Variants in PPHLN1 observed in about 807,000 individuals in gnomAD.
The protein encoded by PPHLN1 is periphilin-1.
PPHLN1 carries 29 observed loss-of-function variants against 51.3 expected under a neutral mutation model. The ratio of observed to expected loss-of-function variants is 0.57; its 90% CI spans 0.42 to 0.77. PPHLN1 has a LOEUF of 0.77. PPHLN1 is among the 30% of genes least tolerant of loss of function. PPHLN1 has a pLI of 0.00. For synonymous variants in PPHLN1, 147 were observed against 147.8 expected, an observed-to-expected ratio of 0.99 and a Z score of 0.04; for missense variants, 436 against 438.4, an observed-to-expected ratio of 0.99 and a Z score of 0.05.
At chr12:42,383,121 C>G (rs1406000694) in intron 5 of PPHLN1, among the ~76,000 whole-genome samples, 2 of 152,206 alleles carry the variant, frequency 1.3e-5, no homozygotes, top group Non-Finnish European at 2.9e-5. Context: ...TAATGGGAAT[C>G]TGTAATTATA....
At chr12:42,366,804 C>G (rs2075318936) in intron 4 of PPHLN1, among the ~76,000 whole-genome samples, 2 of 152,076 alleles carry the variant, frequency 1.3e-5, no homozygotes, top group African/African-American at 4.8e-5. Flanking sequence ...TTGGGTTTGG[C>G]TAGAAATCAC....
intron 3 of PPHLN1, among the ~76,000 whole-genome samples, chr12:42,353,919 C>T (rs551079205): frequency 1.3e-5 from 2 of 152,126 alleles, no homozygotes; most frequent in East Asian, 3.9e-4. Context: ...GTGTGTATAA[C>T]ATTTTTTCTT....
chr12:42,340,270 AC>A (rs1261878256), intron 2 of PPHLN1, among the ~76,000 whole-genome samples: 1 of 150,844 alleles, frequency 6.6e-6, no homozygotes, highest in East Asian at 1.9e-4. Context: ...GTTTTGTGCC[AC>A]TGCGTTGAAG....
chr12:42,378,735 C>A (rs1393188509), intron 5 of PPHLN1, among the ~76,000 whole-genome samples: 2 of 152,230 alleles, frequency 1.3e-5, no homozygotes, highest in African/African-American at 4.8e-5. Flanking sequence ...CACATACATA[C>A]ACACACATTT....
chr12:42,330,690 G>A (rs1171897550), intron 1 of PPHLN1, among the ~76,000 whole-genome samples: 1 of 152,130 alleles, frequency 6.6e-6, no homozygotes, highest in Non-Finnish European at 1.5e-5. Context: ...CAATTGTTCA[G>A]GGTACAGATC....
chr12:42,382,733 G>C (rs1043023219), intron 5 of PPHLN1, among the ~76,000 whole-genome samples: 3 of 152,138 alleles, frequency 2.0e-5, no homozygotes. Flanking sequence ...AACGAAAGAG[G>C]AAGGGGTAGC....
chr12:42,335,779 A>T, intron 1 of PPHLN1, 104 bp from the exon 2 acceptor site: 1 of 501,692 alleles, frequency 2.0e-6, no homozygotes, highest in Non-Finnish European at 3.2e-6. Context: ...TTTTCTCTTA[A>T]GATCTCTGGA....
intron 5 of PPHLN1, chr12:42,375,313 A>T: frequency 2.3e-5 from 5 of 214,110 alleles, no homozygotes; most frequent in Middle Eastern, 1.7e-3. Context: ...AGCATGTAAA[A>T]GGTTTTTTTT....
intron 9 of PPHLN1, among the ~76,000 whole-genome samples, chr12:42,406,176 C>G (rs949328958): frequency 6.6e-6 from 1 of 151,714 alleles, no homozygotes; most frequent in Non-Finnish European, 1.5e-5. Flanking sequence ...CTCCACCTTC[C>G]GGGTTCATGC....
intron 9 of PPHLN1, among the ~76,000 whole-genome samples, chr12:42,439,811 C>CACCT (rs1555224678): frequency 6.6e-6 from 1 of 152,200 alleles, no homozygotes; most frequent in Non-Finnish European, 1.5e-5. Flanking sequence ...AGGCGTGAGC[C>CACCT]ACCTTTACAG....
chr12:42,328,406 C>T (rs1013530177), intron 1 of PPHLN1, among the ~76,000 whole-genome samples: 2 of 152,164 alleles, frequency 1.3e-5, no homozygotes, highest in Non-Finnish European at 2.9e-5. Flanking sequence ...TATGAATATG[C>T]GTTAACAGTT....
chr12:42,341,682 G>A (rs1262855187), intron 2 of PPHLN1, among the ~76,000 whole-genome samples: 1 of 151,914 alleles, frequency 6.6e-6, no homozygotes, highest in Non-Finnish European at 1.5e-5. Flanking sequence ...GAGTGCAGCG[G>A]GCGATCTCGG....
chr12:42,445,650 G>A (rs74078990), downstream of PPHLN1: 1,805 of 229,314 alleles, frequency 7.9e-3, 32 homozygotes, highest in African/African-American at 0.037. Context: ...CACTTGGAGC[G>A]TCCAACATTC....
downstream of PPHLN1, chr12:42,443,691 A>G (rs2083133035): frequency 6.6e-6 from 1 of 152,208 alleles, no homozygotes; most frequent in Admixed American, 6.5e-5. Context: ...GTCATTCCCA[A>G]AAGGTCTGGC....
At chr12:42,404,752 G>A (rs1219396647) in intron 9 of PPHLN1, among the ~76,000 whole-genome samples, 3 of 152,040 alleles carry the variant, frequency 2.0e-5, no homozygotes, top group African/African-American at 7.2e-5. Context: ...TTTTGCAGCC[G>A]GGTATGGTGG....
chr12:42,383,983 C>CAAAAAAAAAAAAAAAAAAAAAA (rs61016692), intron 5 of PPHLN1, among the ~76,000 whole-genome samples: 4 of 51,610 alleles, frequency 7.8e-5, no homozygotes, highest in Non-Finnish European at 8.1e-5. Context: ...GACTGTGTCT[C>CAAAAAAAAAAAAAAAAAAAAAA]AAAAAAAAAA....
chr12:42,334,952 G>A (rs140086861), intron 1 of PPHLN1, among the ~76,000 whole-genome samples: 1 of 152,304 alleles, frequency 6.6e-6, no homozygotes. Flanking sequence ...AAAGAGATCT[G>A]TGACCTACAA....
chr12:42,348,276 AT>A (rs1213561958), intron 2 of PPHLN1, among the ~76,000 whole-genome samples: 984 of 85,592 alleles, frequency 0.011, 23 homozygotes, highest in African/African-American at 0.041. Context: ...CACCTGGCTA[AT>A]TTTTTTTTTT....
At chr12:42,370,591 G>T (rs2075711269) in intron 4 of PPHLN1, among the ~76,000 whole-genome samples, 1 of 151,978 alleles carries the variant, frequency 6.6e-6, no homozygotes, top group African/African-American at 2.4e-5. Flanking sequence ...TTTGTGTCTT[G>T]CGTTATCAGT....
Sources: allele counts gnomAD v4.1 joint callset (sites outside exome capture counted in the v4.1 genomes callset), GRCh38; gene constraint gnomAD v4.1.1; transcripts MANE v1.5; gene names NCBI Gene and HGNC (gene_info 2026-07-23, HGNC 2026-07-21).